Variants in ZBBX observed in about 807,000 individuals in gnomAD.
The protein encoded by ZBBX is zinc finger B-box domain-containing protein 1.
Under a neutral mutation model 108.5 loss-of-function variants are expected in ZBBX, and 101 were observed. The observed-to-expected ratio is 0.93, with a 90% CI of 0.79 to 1.10. The LOEUF (loss-of-function observed/expected upper bound fraction) is 1.10, where lower values mean the gene tolerates loss of function less well. Ranked by LOEUF, ZBBX falls within the 50% of genes least tolerant of loss-of-function variation. The pLI, the probability that ZBBX is intolerant of heterozygous loss-of-function variation, is 0.00. For missense variants in ZBBX, 1,009 were observed against 941.4 expected (o/e 1.07, Z -0.94); for synonymous variants, 356 against 323.4 (o/e 1.10, Z -1.08).
chr3:167,382,230 A>AC (rs1747776644), upstream of ZBBX, among the ~76,000 whole-genome samples: 2 of 152,368 alleles, frequency 1.3e-5, no homozygotes, highest in South Asian at 4.1e-4. Context: ...CAAAGCAGAG[A>AC]CAAAAACTAA....
intron 13 of ZBBX, 65 bp downstream of exon 13, chr3:167,317,423 T>A: frequency 1.6e-6 from 2 of 1,224,280 alleles, no homozygotes; most frequent in Non-Finnish European, 2.3e-6. Context: ...AGATTCTGAT[T>A]AATGCTTAGT....
chr3:167,384,172 A>T (rs1001164027), upstream of ZBBX, among the ~76,000 whole-genome samples: 9 of 152,108 alleles, frequency 5.9e-5, no homozygotes, highest in Non-Finnish European at 8.8e-5. Context: ...GTGGCAATGT[A>T]AAAATAGAGC....
At chr3:167,308,155 A>C (rs1733988088) in intron 16 of ZBBX, among the ~76,000 whole-genome samples, 1 of 152,206 alleles carries the variant, frequency 6.6e-6, no homozygotes, top group African/African-American at 2.4e-5. Flanking sequence ...CAAAGACATG[A>C]GCAGACACTT....
chr3:167,179,699 T>TA, the ZBBX span, among the ~76,000 whole-genome samples: 1 of 152,232 alleles, frequency 6.6e-6, no homozygotes, highest in African/African-American at 2.4e-5. Flanking sequence ...AGCTGAAGTA[T>TA]AGGGCATCTG....
chr3:167,199,480 G>A, the ZBBX span, among the ~76,000 whole-genome samples: 2 of 152,176 alleles, frequency 1.3e-5, no homozygotes, highest in Non-Finnish European at 2.9e-5. Flanking sequence ...ACGTGGAATT[G>A]TATGCACATG....
rs185184720 is a variant in ZBBX at position 167,388,515 on chromosome 3, G to A, written c.-445-8110C>T. Among the ~76,000 whole-genome samples, 486 of 152,012 alleles carry A rather than the reference G, an allele frequency of 3.2e-3. 2 individuals are homozygous for A. Among genetic ancestry groups the A allele is most frequent in the African/African-American group, 0.011 (464 of 41,474 alleles). On this transcript the variant is annotated intron_variant, in intron 1 of 21. Coordinates refer to the ZBBX transcript ENST00000455345. Reference sequence around the variant, plus strand: ...AATATTAATGCAATCTTCCAGAAAAGACAATCACTAAGTTATGGTATTAAG... The same window carrying A: ...AATATTAATGCAATCTTCCAGAAAAAACAATCACTAAGTTATGGTATTAAG...
the ZBBX span, among the ~76,000 whole-genome samples, chr3:167,198,349 T>G: frequency 6.6e-6 from 1 of 152,136 alleles, no homozygotes; most frequent in African/African-American, 2.4e-5. Flanking sequence ...TTTCCTTGAC[T>G]GTTTTATTGT....
chr3:167,187,935 T>G, the ZBBX span, among the ~76,000 whole-genome samples: 1 of 152,328 alleles, frequency 6.6e-6, no homozygotes, highest in South Asian at 2.1e-4. Context: ...ATTCTACTGT[T>G]ATAATAATTG....
At position 167,322,227 on chromosome 3, in the gene ZBBX, T is replaced by G; in HGVS notation, c.873A>C (p.Glu291Asp). ...NLHAAVKDSL[E>D]ECEVQTNLKI... ...TCAGATTAGTCTGTACTTCGCATTC[T>G]TCCAATGAGTCTGTAAAAATAAACA... Residue 291 changes from glutamate (E) to aspartate (D), a missense_variant, in exon 12 of 22, where the codon GAA becomes GAC. Glu to Asp is a conservative substitution (Grantham distance 45). Coordinates refer to ENST00000675490, the MANE Select transcript of ZBBX (RefSeq NM_001199201.2). 6.9e-7 allele frequency: 1 copy of G among 1,458,060 alleles called. No homozygotes were observed. The highest frequency in any genetic ancestry group is 9.0e-7 in the Non-Finnish European group (1 of 1,105,256). 90.3% of individuals were successfully genotyped at this position (1,458,060 alleles called of 1,614,324 possible).
At chr3:167,195,496 A>AAATTC in the ZBBX span, among the ~76,000 whole-genome samples, 21 of 152,320 alleles carry the variant, frequency 1.4e-4, no homozygotes, top group African/African-American at 5.1e-4. Context: ...TTTTACATAT[A>AAATTC]AATTCAAGAT....
chr3:167,319,172 G>A (rs570390511), intron 12 of ZBBX, among the ~76,000 whole-genome samples: 1 of 151,976 alleles, frequency 6.6e-6, no homozygotes, highest in Non-Finnish European at 1.5e-5. Flanking sequence ...AAAGGACCTA[G>A]TGATAATTGC....
the ZBBX span, among the ~76,000 whole-genome samples, chr3:167,210,748 CAT>C: frequency 6.6e-6 from 1 of 152,060 alleles, no homozygotes; most frequent in African/African-American, 2.4e-5. Context: ...AATGAAATGA[CAT>C]ATTTAAAGTG....
the ZBBX span, among the ~76,000 whole-genome samples, chr3:167,184,799 C>T: frequency 6.6e-6 from 1 of 152,192 alleles, no homozygotes; most frequent in East Asian, 1.9e-4. Context: ...TAATACAGCC[C>T]ATAAAAGTAG....
intron 18 of ZBBX, among the ~76,000 whole-genome samples, chr3:167,290,585 C>T (rs963612437): frequency 3.3e-5 from 5 of 152,090 alleles, no homozygotes; most frequent in African/African-American, 1.2e-4. Flanking sequence ...TAGATAAATT[C>T]ACGAAGATGG....
chr3:167,250,969 C>G (rs1160631087), intron 20 of ZBBX, among the ~76,000 whole-genome samples: 1 of 152,164 alleles, frequency 6.6e-6, no homozygotes, highest in Non-Finnish European at 1.5e-5. Context: ...AAGAGCAGTA[C>G]ATCAGCGGAA....
chr3:167,256,864 A>G (rs938211699), intron 20 of ZBBX, among the ~76,000 whole-genome samples: 13 of 151,992 alleles, frequency 8.6e-5, no homozygotes, highest in African/African-American at 2.9e-4. Flanking sequence ...TTTATTTTCC[A>G]TTCATCTGTT....
At chr3:167,203,137 T>C in the ZBBX span, among the ~76,000 whole-genome samples, 1 of 152,144 alleles carries the variant, frequency 6.6e-6, no homozygotes, top group Non-Finnish European at 1.5e-5. Flanking sequence ...TTTTGGAGGC[T>C]AGAAGTTCAA....
chr3:167,269,151 C>T (rs1726100434), intron 20 of ZBBX, among the ~76,000 whole-genome samples: 1 of 152,188 alleles, frequency 6.6e-6, no homozygotes, highest in African/African-American at 2.4e-5. Context: ...CTTCAAGTCC[C>T]ACCAGAAGCC....
chr3:167,190,597 G>A, the ZBBX span, among the ~76,000 whole-genome samples: 1 of 152,048 alleles, frequency 6.6e-6, no homozygotes, highest in Non-Finnish European at 1.5e-5. Flanking sequence ...AGCCAGGATG[G>A]TCTCGATCTC....
Sources: gnomAD v4.1 joint callset for allele counts (sites outside exome capture counted in the v4.1 genomes callset) on GRCh38, gnomAD v4.1.1 for gene constraint, MANE v1.5 for transcripts, NCBI Gene and HGNC (gene_info 2026-07-23, HGNC 2026-07-21) for gene names.